MLLT1: variants seen among roughly 807,000 people sequenced by gnomAD.
The protein encoded by MLLT1 is protein ENL.
A neutral mutation model predicts 55.1 loss-of-function variants in MLLT1; 11 were observed. The ratio of observed to expected loss-of-function variants is 0.20; its 90% CI spans 0.13 to 0.33. The LOEUF (loss-of-function observed/expected upper bound fraction) is 0.33, where lower values mean the gene tolerates loss of function less well. Among genes scored for constraint, MLLT1 ranks in the 10% least tolerant of loss-of-function variants. The probability of loss-of-function intolerance (pLI) is 1.00; values close to 1 mark genes in which losing one functional copy is unlikely to be tolerated. For synonymous variants in MLLT1, 323 were observed against 320.1 expected, an observed-to-expected ratio of 1.01 and a Z score of -0.10; for missense variants, 536 against 760.6, an observed-to-expected ratio of 0.70 and a Z score of 3.47.
rs766070256 is a variant in MLLT1, at chr19:6,262,334, AC to A, written c.194-25del. On this transcript the variant is annotated intron_variant, in intron 2 of 11. Coordinates refer to ENST00000252674, the MANE Select transcript of MLLT1 (RefSeq NM_005934.4). This position sits in a 1 kb window ranked among gnomAD's most constrained non-coding sequence, Gnocchi z 4.4. The stretch of plus-strand genomic sequence containing the variant: ...CACTAAAAAGAAAAGGAAGAAACAC[AC>A]CCATCAGCCTCCTGCCTGTTTCAGG... 1.7e-5 allele frequency: 27 copies of A among 1,600,004 alleles called. No individual in the cohort carries two copies. The highest frequency in any genetic ancestry group is 3.3e-4 in the Middle Eastern group (2 of 6,050).
Position 6,256,877 on chromosome 19 carries a change from C to T in MLLT1, c.276+5351G>A, listed in dbSNP as rs1223558402. On this transcript the variant is annotated intron_variant, in intron 3 of 11. Transcript: ENST00000252674. This position sits in a 1 kb window ranked among gnomAD's most constrained non-coding sequence, Gnocchi z 4.1. The stretch of plus-strand genomic sequence containing the variant: ...AGAATTCAGAGTCCAGTTTTAAACC[C>T]CAAATCTATGGCCAGCTGATTTTCA... Among the ~76,000 whole-genome samples the T allele has an allele frequency of 6.6e-6, 1 of 152,174 alleles. No individual in the cohort carries two copies. The highest frequency in any genetic ancestry group is 2.4e-5 in the African/African-American group (1 of 41,440).
intron 1 of MLLT1, among the ~76,000 whole-genome samples, chr19:6,271,719 T>C (rs1291523167): frequency 6.6e-6 from 1 of 152,172 alleles, no homozygotes; most frequent in Non-Finnish European, 1.5e-5. Context: ...AATACAAGAA[T>C]GTTACAAAAT....
chr19:6,235,886 C>T lies in MLLT1; in HGVS notation c.277-5173G>A, dbSNP rs2091056228. Among the ~76,000 whole-genome samples the T allele has an allele frequency of 6.6e-6, 1 of 152,148 alleles. No individual in the cohort carries two copies. ...TCACCCCTTCCTGACCCCCACCCGC[C>T]CTTATCCCGGCCTGCTGCTGTCCCC... On this transcript the variant is annotated intron_variant, in intron 3 of 11. Transcript: ENST00000252674. This position sits in a 1 kb window ranked among gnomAD's most constrained non-coding sequence, Gnocchi z 5.5.
Position 6,270,906 on chromosome 19 carries a change from C to G in MLLT1, c.13-147G>C, listed in dbSNP as rs1194854930. ...GAGCAGCACACAGACGGCTTCCTAT[C>G]GCGCCAGCACCTTGCCGCAGACGTC... On this transcript the variant is annotated intron_variant, in intron 1 of 11. Coordinates refer to ENST00000252674, the MANE Select transcript of MLLT1 (RefSeq NM_005934.4). This position sits in a 1 kb window ranked among gnomAD's most constrained non-coding sequence, Gnocchi z 7.1. 1 of 742,328 alleles carries G rather than the reference C, an allele frequency of 1.3e-6. No homozygotes were observed. Among genetic ancestry groups the G allele is most frequent in the East Asian group, 3.0e-5 (1 of 33,432 alleles). The allele number at this position is 742,328 out of a possible 1,614,324, so 46.0% of individuals were successfully genotyped here. A position where few individuals can be genotyped will look rare whatever the true frequency, so the allele number is the denominator to read the frequency against.
chr19:6,268,107 A>G (rs76675940), intron 2 of MLLT1, among the ~76,000 whole-genome samples: 3,678 of 152,302 alleles, frequency 0.024, 66 homozygotes, highest in Middle Eastern at 0.051. Flanking sequence ...CAAAAAGGCT[A>G]AGAAGCATAT....
intron 3 of MLLT1, chr19:6,259,029 G>C (rs1039408605): frequency 1.4e-4 from 21 of 152,338 alleles, no homozygotes; most frequent in African/African-American, 4.1e-4. Context: ...CCATCTTATG[G>C]ATAGACAAAC....
chr19:6,255,305 C>T (rs1256866639), intron 3 of MLLT1, among the ~76,000 whole-genome samples: 1 of 152,164 alleles, frequency 6.6e-6, no homozygotes, highest in Non-Finnish European at 1.5e-5. Flanking sequence ...CCAGCCTGGC[C>T]AACATGGCAA....
intron 3 of MLLT1, among the ~76,000 whole-genome samples, chr19:6,233,506 C>A (rs768062146): frequency 1.3e-5 from 2 of 152,174 alleles, no homozygotes; most frequent in East Asian, 3.9e-4. Flanking sequence ...TCCCCTTGTC[C>A]GAGGGGACAT....
intron 5 of MLLT1, among the ~76,000 whole-genome samples, chr19:6,223,301 G>T (rs55817395): frequency 0.014 from 2,117 of 152,298 alleles, 61 homozygotes; most frequent in African/African-American, 0.046. Flanking sequence ...CCCAGGTACC[G>T]CACGGAGCAA....
chr19:6,217,928 G>GC (rs2090860874), intron 7 of MLLT1, 26 bp downstream of exon 7: 2 of 1,578,862 alleles, frequency 1.3e-6, no homozygotes, highest in Non-Finnish European at 1.7e-6. Context: ...CCCCATCCGT[G>GC]CCCCCCAGCT....
In MLLT1 at chr19:6,222,168, C is replaced by T. The variant is rs2144859256; in HGVS notation, c.1063G>A (p.Glu355Lys). 1 of 1,580,166 alleles carries T rather than the reference C, an allele frequency of 6.3e-7. No individual in the cohort carries two copies. The highest frequency in any genetic ancestry group is 8.6e-7 in the Non-Finnish European group (1 of 1,162,438). ...SEPREAKKALEVEESNSEDEA... is the reference protein window; with the variant it reads ...SEPREAKKALKVEESNSEDEA... ...TCCTCTGAGTTGGACTCCTCCACCTCCAGGGCCTTTTTGGCCTCCCGGGGC... is the reference window on the plus strand; with the variant it reads ...TCCTCTGAGTTGGACTCCTCCACCTTCAGGGCCTTTTTGGCCTCCCGGGGC... Residue 355 changes from glutamate (E) to lysine (K), a missense_variant, in exon 6 of 12, where the codon GAG becomes AAG. Coordinates refer to ENST00000252674, the MANE Select transcript of MLLT1 (RefSeq NM_005934.4). The surrounding 1 kb of genome is among the most constrained non-coding windows in gnomAD (Gnocchi z 4.1).
rs1365236893 is a variant in MLLT1 at position 6,270,649 on chromosome 19, T to C, written c.123A>G (p.Gln41=). 3 of 1,614,196 alleles carry C rather than the reference T, an allele frequency of 1.9e-6. No homozygotes were observed. The highest frequency in any genetic ancestry group is 2.2e-5 in the South Asian group (2 of 91,088). Residue 41 remains glutamine, a synonymous_variant, in exon 2 of 12, where the codon CAA becomes CAG. Coordinates refer to ENST00000252674, the MANE Select transcript of MLLT1 (RefSeq NM_005934.4). The surrounding 1 kb of genome is among the most constrained non-coding windows in gnomAD (Gnocchi z 7.1). ...DWMVFVRGPE[Q]CDIQHFVEKV... Reference sequence around the variant, plus strand: ...TCTCCACGAAGTGCTGGATGTCACATTGCTCGGGGCCGCGGACAAACACCA... The same window carrying C: ...TCTCCACGAAGTGCTGGATGTCACACTGCTCGGGGCCGCGGACAAACACCA...
Position 6,262,393 on chromosome 19 carries a change from A to C in MLLT1, c.194-83T>G. 7 of 1,113,718 alleles carry C rather than the reference A, an allele frequency of 6.3e-6. No homozygotes were observed. The highest frequency in any genetic ancestry group is 2.7e-5 in the South Asian group (2 of 75,240). The allele number at this position is 1,113,718 out of a possible 1,614,324, so 69.0% of individuals were successfully genotyped here. A position where few individuals can be genotyped will look rare whatever the true frequency, so the allele number is the denominator to read the frequency against. Reference sequence around the variant, plus strand: ...GCCAGCGGCAGTACCGCACCCCTCAACCCCACCACCTCCTCACAGGGGCTT... The same window carrying C: ...GCCAGCGGCAGTACCGCACCCCTCACCCCCACCACCTCCTCACAGGGGCTT... On this transcript the variant is annotated intron_variant, in intron 2 of 11. Coordinates refer to ENST00000252674, the MANE Select transcript of MLLT1 (RefSeq NM_005934.4). The surrounding 1 kb of genome is among the most constrained non-coding windows in gnomAD (Gnocchi z 4.4).
intron 2 of MLLT1, among the ~76,000 whole-genome samples, chr19:6,266,422 C>G (rs1469705199): frequency 6.6e-6 from 1 of 152,038 alleles, no homozygotes; most frequent in Non-Finnish European, 1.5e-5. Context: ...TGCTAGGACT[C>G]AAAGGGTTTA....
At chr19:6,225,000 A>G (rs900956292) in intron 5 of MLLT1, among the ~76,000 whole-genome samples, 1 of 152,246 alleles carries the variant, frequency 6.6e-6, no homozygotes, top group Admixed American at 6.5e-5. Flanking sequence ...TAAGCATAAC[A>G]TGAGCACTCT....
rs2090996648 is a variant in MLLT1 at position 6,230,258 on chromosome 19, A to T, written c.420+312T>A. On this transcript the variant is annotated intron_variant, in intron 4 of 11. Coordinates refer to ENST00000252674, the MANE Select transcript of MLLT1 (RefSeq NM_005934.4). This position sits in a 1 kb window ranked among gnomAD's most constrained non-coding sequence, Gnocchi z 9.0. Reference sequence around the variant, plus strand: ...GGCCCTGCCCAGCTAGTTACAAGCCAGCTCCAGGCCCAGCCACGCGGTCAG... The same window carrying T: ...GGCCCTGCCCAGCTAGTTACAAGCCTGCTCCAGGCCCAGCCACGCGGTCAG... Among the ~76,000 whole-genome samples, 1 of 152,164 alleles carries T rather than the reference A, an allele frequency of 6.6e-6. No individual in the cohort carries two copies. The highest frequency in any genetic ancestry group is 2.1e-4 in the South Asian group (1 of 4,828).
chr19:6,213,529 C>T, intron 10 of MLLT1, 121 bp from the exon 11 acceptor site: 2 of 1,053,222 alleles, frequency 1.9e-6, no homozygotes, highest in Non-Finnish European at 2.9e-6. Context: ...CACATCCAAA[C>T]CAAGGAAGGC....
intron 2 of MLLT1, among the ~76,000 whole-genome samples, chr19:6,267,688 G>A (rs181248836): frequency 5.9e-5 from 9 of 152,290 alleles, no homozygotes; most frequent in African/African-American, 2.2e-4. Context: ...CCAGCCTGAT[G>A]GTGACAGCGT....
Position 6,226,865 on chromosome 19 carries a change from G to C in MLLT1, c.546+112C>G. ...GAGAGCTCAAAGAGGAAGACGCCAA[G>C]GGAGCGAGCAGGTGCGGAAGGCCCA... On this transcript the variant is annotated intron_variant, in intron 5 of 11. Transcript: ENST00000252674. The surrounding 1 kb of genome is among the most constrained non-coding windows in gnomAD (Gnocchi z 6.3). 1 of 822,948 alleles carries C rather than the reference G, an allele frequency of 1.2e-6. No homozygotes were observed. Among genetic ancestry groups the C allele is most frequent in the African/African-American group, 1.8e-5 (1 of 55,302 alleles). The allele number at this position is 822,948 out of a possible 1,614,324, so 51.0% of individuals were successfully genotyped here.
Sources: gnomAD v4.1 joint callset for allele counts (sites outside exome capture counted in the v4.1 genomes callset) on GRCh38, gnomAD v4.1.1 for gene constraint, Gnocchi (gnomAD v3.1) non-coding constraint, MANE v1.5 for transcripts, NCBI Gene and HGNC (gene_info 2026-07-23, HGNC 2026-07-21) for gene names.